TMEM185A: variants seen among roughly 807,000 people sequenced by gnomAD.
TMEM185A encodes family with sequence similarity 11, member A.
TMEM185A carries 9 observed loss-of-function variants against 25.0 expected under a neutral mutation model. The ratio of observed to expected loss-of-function variants is 0.36; its 90% CI spans 0.22 to 0.63. The LOEUF (loss-of-function observed/expected upper bound fraction) is 0.63. Ranked by LOEUF, TMEM185A falls within the 20% of genes least tolerant of loss-of-function variation. TMEM185A has a pLI of 0.68. For missense variants in TMEM185A, 103 were observed against 237.4 expected (o/e 0.43, Z 3.72); for synonymous variants, 45 against 93.5 (o/e 0.48, Z 2.99).
intron 2 of TMEM185A, 112 bp from the exon 3 acceptor site, chrX:149,608,946 T>G (rs2090067297): frequency 1.4e-6 from 1 of 707,254 alleles, no homozygotes; most frequent in Admixed American, 3.9e-5. Context: ...ACTTGAAAAT[T>G]TGACAAAAGC....
rs185744121 is a variant in TMEM185A, at chrX:149,625,863, A to C, written c.38+5680T>G. 3.2e-3 allele frequency among the ~76,000 whole-genome samples: 356 copies of C among 112,326 alleles called. 2 individuals carry two copies. The highest frequency in any genetic ancestry group is 9.5e-3 in the African/African-American group (295 of 30,961). On this transcript the variant is annotated intron_variant, in intron 1 of 6. Coordinates refer to ENST00000600449, the MANE Select transcript of TMEM185A (RefSeq NM_032508.4). ...AATAACAACACTCATTTGGATGTAT[A>C]AGCGCCACTAACAGGTTTGTTTTGT... is the stretch of plus-strand genomic sequence containing the variant.
At chrX:149,614,530 T>A (rs1219861537) in intron 1 of TMEM185A, among the ~76,000 whole-genome samples, 1 of 109,956 alleles carries the variant, frequency 9.1e-6, no homozygotes, top group Non-Finnish European at 1.9e-5. Context: ...AACCTCCATG[T>A]AAGAAACGGA....
At chrX:149,611,029 ATT>A (rs1462808242) in intron 2 of TMEM185A, among the ~76,000 whole-genome samples, 1 of 111,815 alleles carries the variant, frequency 8.9e-6, no homozygotes, top group Non-Finnish European at 1.9e-5. Flanking sequence ...CCAGTTCTGT[ATT>A]TTGGGTGCAT....
intron 1 of TMEM185A, among the ~76,000 whole-genome samples, chrX:149,619,767 C>T (rs2090130619): frequency 9.1e-6 from 1 of 109,734 alleles, no homozygotes; most frequent in South Asian, 3.9e-4. Flanking sequence ...GTTTTTTGTC[C>T]TTGCAATAGT....
In TMEM185A at chrX:149,626,593, A is replaced by G. The variant is rs140750610; in HGVS notation, c.38+4950T>C. 4.2e-3 allele frequency among the ~76,000 whole-genome samples: 474 copies of G among 112,327 alleles called. 1 individual carries two copies. The highest frequency in any genetic ancestry group is 0.015 in the African/African-American group (451 of 30,876). ...ACGAGACTGAGAAAAGAAATAAGACACAGAAACAAAGTATAGAGAAAGAAC... is the reference window on the plus strand; with the variant it reads ...ACGAGACTGAGAAAAGAAATAAGACGCAGAAACAAAGTATAGAGAAAGAAC... On this transcript the variant is annotated intron_variant, in intron 1 of 6. Coordinates refer to ENST00000600449, the MANE Select transcript of TMEM185A (RefSeq NM_032508.4).
chrX:149,627,207 G>A (rs181227376), intron 1 of TMEM185A, among the ~76,000 whole-genome samples: 7 of 112,612 alleles, frequency 6.2e-5, no homozygotes, highest in East Asian at 2.8e-4. Context: ...ATGTCCCTGC[G>A]GCCTTCCGCA....
chrX:149,613,532 C>A (rs1473586393), intron 1 of TMEM185A, among the ~76,000 whole-genome samples: 2 of 112,046 alleles, frequency 1.8e-5, no homozygotes, highest in Admixed American at 9.4e-5. Context: ...TGCTTGAAAG[C>A]AGATTAATCC....
At chrX:149,614,144 C>T (rs1050221778) in intron 1 of TMEM185A, among the ~76,000 whole-genome samples, 12 of 111,608 alleles carry the variant, frequency 1.1e-4, no homozygotes, top group South Asian at 3.8e-4. Flanking sequence ...CAAACACACA[C>T]GGAACATTCA....
At chrX:149,610,494 G>A (rs1400781133) in intron 2 of TMEM185A, among the ~76,000 whole-genome samples, 1 of 102,082 alleles carries the variant, frequency 9.8e-6, no homozygotes. Flanking sequence ...TTTCCCACAT[G>A]AGCAGCTGCC....
chrX:149,625,750 T>C (rs1033953734), intron 1 of TMEM185A, among the ~76,000 whole-genome samples: 6 of 112,567 alleles, frequency 5.3e-5, no homozygotes, highest in Non-Finnish European at 1.1e-4. Context: ...ATATGTAAAC[T>C]GACTTTAAAG....
intron 3 of TMEM185A, chrX:149,605,020 C>T (rs1031108610): frequency 1.8e-5 from 2 of 112,020 alleles, no homozygotes; most frequent in African/African-American, 3.3e-5. Context: ...GACAGACACA[C>T]AAACACACAT....
intron 3 of TMEM185A, among the ~76,000 whole-genome samples, chrX:149,606,252 C>T (rs970600214): frequency 1.8e-5 from 2 of 112,541 alleles, no homozygotes; most frequent in Non-Finnish European, 3.8e-5. Flanking sequence ...TTTGTTTTCA[C>T]AGCAACTGCT....
At chrX:149,619,276 T>C (rs1319502012) in intron 1 of TMEM185A, among the ~76,000 whole-genome samples, 1 of 111,984 alleles carries the variant, frequency 8.9e-6, no homozygotes, top group Non-Finnish European at 1.9e-5. Context: ...TTACTTACTA[T>C]CTTCACCAAC....
At chrX:149,602,555 G>T (rs1017838321) in intron 4 of TMEM185A, among the ~76,000 whole-genome samples, 1 of 112,200 alleles carries the variant, frequency 8.9e-6, no homozygotes, top group African/African-American at 3.2e-5. Flanking sequence ...ATCTCAATAG[G>T]CTTCCTTGTT....
chrX:149,631,598 C>G lies in TMEM185A; in HGVS notation c.-18G>C. Reference sequence around the variant, plus strand: ...AGGTTCATGGCGGAGAACTTCACCGCGGCGTCCTCCTCCTCCTCCCCCGCA... The same window carrying G: ...AGGTTCATGGCGGAGAACTTCACCGGGGCGTCCTCCTCCTCCTCCCCCGCA... On this transcript the variant is annotated 5_prime_UTR_variant, in exon 1 of 7. Transcript: ENST00000600449. The G allele has an allele frequency of 8.6e-7, 1 of 1,158,752 alleles. No homozygotes were observed. The highest frequency in any genetic ancestry group is 2.0e-5 in the South Asian group (1 of 51,252).
chrX:149,618,331 G>A (rs2124225536), intron 1 of TMEM185A, among the ~76,000 whole-genome samples: 1 of 111,093 alleles, frequency 9.0e-6, no homozygotes, highest in East Asian at 2.8e-4. Context: ...GTTGTAAGAA[G>A]ACTGGACCTA....
At chrX:149,614,931 A>G (rs2090102766) in intron 1 of TMEM185A, among the ~76,000 whole-genome samples, 1 of 112,220 alleles carries the variant, frequency 8.9e-6, no homozygotes, top group Non-Finnish European at 1.9e-5. Flanking sequence ...AATACCACCA[A>G]TTCTTCACAA....
intron 1 of TMEM185A, among the ~76,000 whole-genome samples, chrX:149,627,015 C>A (rs1302700151): frequency 1.8e-5 from 2 of 111,889 alleles, no homozygotes; most frequent in African/African-American, 6.5e-5. Flanking sequence ...GAGCAGGAGA[C>A]AGAAGCCTTC....
At chrX:149,614,250 A>G (rs781797816) in intron 1 of TMEM185A, among the ~76,000 whole-genome samples, 3 of 112,437 alleles carry the variant, frequency 2.7e-5, no homozygotes, top group Non-Finnish European at 3.8e-5. Flanking sequence ...GAGTCAAACT[A>G]GAAATCAACA....
Sources: allele counts gnomAD v4.1 joint callset (sites outside exome capture counted in the v4.1 genomes callset), GRCh38; gene constraint gnomAD v4.1.1; transcripts MANE v1.5; gene names NCBI Gene and HGNC (gene_info 2026-07-23, HGNC 2026-07-21).